Variants in SIMC1 observed in about 807,000 individuals in gnomAD.
SIMC1 encodes the protein SUMO interacting motifs containing 1, also known as SUMO-interacting motif-containing protein 1.
Under a neutral mutation model 82.3 loss-of-function variants are expected in SIMC1, and 55 were observed. The ratio of observed to expected loss-of-function variants is 0.67; its 90% CI spans 0.54 to 0.84. The LOEUF is 0.84. Among genes scored for constraint, SIMC1 ranks in the 40% least tolerant of loss-of-function variants. The pLI, the probability that SIMC1 is intolerant of heterozygous loss-of-function variation, is 0.00. For synonymous variants in SIMC1, 353 were observed against 426.3 expected (o/e 0.83, Z 2.12); for missense variants, 915 against 1,107.2 (o/e 0.83, Z 2.46).
chr5:176,294,792 C>G (rs1357410928), intron 2 of SIMC1: 4 of 426,344 alleles, frequency 9.4e-6, no homozygotes, highest in Non-Finnish European at 1.7e-5. Flanking sequence ...GAAACCCTGT[C>G]TTTACTAAAA....
At chr5:176,289,093 G>T (rs1763430609) in intron 1 of SIMC1, among the ~76,000 whole-genome samples, 1 of 152,160 alleles carries the variant, frequency 6.6e-6, no homozygotes, top group African/African-American at 2.4e-5. Flanking sequence ...GAAAGAAGGA[G>T]ACAGATCTGT....
chr5:176,302,202 C>A (rs1341695536), intron 4 of SIMC1, among the ~76,000 whole-genome samples: 23 of 151,994 alleles, frequency 1.5e-4, no homozygotes, highest in Admixed American at 1.5e-3. Flanking sequence ...GGATGCAGAA[C>A]CCACAGATAC....
At chr5:176,264,232 AG>A (rs762671453) in intron 1 of SIMC1, among the ~76,000 whole-genome samples, 6 of 152,208 alleles carry the variant, frequency 3.9e-5, no homozygotes, top group Non-Finnish European at 5.9e-5. Context: ...TCAGCTCTGG[AG>A]GGCAGCAGCC....
Position 176,288,912 on chromosome 5 carries a change from T to C in SIMC1, c.130-742T>C, listed in dbSNP as rs199510309. Among the ~76,000 whole-genome samples, 35 of 152,328 alleles carry C rather than the reference T, an allele frequency of 2.3e-4. No individual in the cohort carries two copies. In the East Asian group the frequency reaches 6.4e-3, roughly 28 times the overall value. ...GTATCATTAGGCTTTGTGAATAGCC[T>C]GATCAGTTTGCCAAGGAATGGAAGT... On this transcript the variant is annotated intron_variant, in intron 1 of 9. Transcript: ENST00000429602.
chr5:176,288,079 A>C (rs1187919807), intron 1 of SIMC1, among the ~76,000 whole-genome samples: 3 of 152,178 alleles, frequency 2.0e-5, no homozygotes, highest in Non-Finnish European at 2.9e-5. Context: ...AAACATTCCT[A>C]GGCCCTAGGT....
At chr5:176,252,562 C>T (rs1158287038) in intron 1 of SIMC1, among the ~76,000 whole-genome samples, 6 of 150,944 alleles carry the variant, frequency 4.0e-5, no homozygotes, top group Middle Eastern at 3.2e-3. Context: ...CAGAGACGCT[C>T]CTCACTTCCT....
intron 7 of SIMC1, among the ~76,000 whole-genome samples, chr5:176,332,731 T>G (rs1248618179): frequency 4.6e-5 from 7 of 152,130 alleles, no homozygotes; most frequent in African/African-American, 1.2e-4. Context: ...AATATAAACT[T>G]TATTCAATAT....
chr5:176,331,860 T>G (rs1765684200), intron 7 of SIMC1, among the ~76,000 whole-genome samples: 1 of 151,622 alleles, frequency 6.6e-6, no homozygotes, highest in African/African-American at 2.4e-5. Context: ...TCTCAGCTAC[T>G]CAGGAGGCTG....
At chr5:176,260,861 C>G (rs1158668950) in intron 1 of SIMC1, among the ~76,000 whole-genome samples, 1 of 152,296 alleles carries the variant, frequency 6.6e-6, no homozygotes, top group East Asian at 1.9e-4. Flanking sequence ...TTCCCAGGCT[C>G]TGGTACACCT....
At chr5:176,249,858 A>AAAC (rs1761590833) in intron 1 of SIMC1, among the ~76,000 whole-genome samples, 1 of 151,120 alleles carries the variant, frequency 6.6e-6, no homozygotes, top group Non-Finnish European at 1.5e-5. Flanking sequence ...AAAAAAAAAA[A>AAAC]AAAAAACCAG....
intron 4 of SIMC1, among the ~76,000 whole-genome samples, chr5:176,303,600 G>C (rs560736657): frequency 6.6e-6 from 1 of 151,966 alleles, no homozygotes; most frequent in Non-Finnish European, 1.5e-5. Context: ...GATTACAGGC[G>C]TGAGCCACCA....
rs147754712 is a variant in SIMC1, at chr5:176,297,761, G to A, written c.1734+1441G>A. Among the ~76,000 whole-genome samples, 627 of 152,228 alleles carry A rather than the reference G, an allele frequency of 4.1e-3. 3 individuals carry two copies. The highest frequency in any genetic ancestry group is 0.01 in the Middle Eastern group (3 of 294). On this transcript the variant is annotated intron_variant, in intron 4 of 9. Transcript: ENST00000429602. ...AATTAAGACATTTCCAGCTATGCAG[G>A]AATTTGAAAATATATCCTCATACCC...
chr5:176,242,671 A>T (rs1301492350), intron 1 of SIMC1, among the ~76,000 whole-genome samples: 1 of 152,080 alleles, frequency 6.6e-6, no homozygotes, highest in Non-Finnish European at 1.5e-5. Context: ...TTCCTACAGA[A>T]ATTGTGCATT....
intron 4 of SIMC1, among the ~76,000 whole-genome samples, chr5:176,305,793 C>T (rs1459966350): frequency 1.7e-5 from 1 of 58,692 alleles, no homozygotes; most frequent in South Asian, 6.5e-4. Flanking sequence ...CCGCCCCGTC[C>T]GGGAGGGAGG....
At chr5:176,289,288 C>A (rs1184166109) in intron 1 of SIMC1, among the ~76,000 whole-genome samples, 1 of 152,094 alleles carries the variant, frequency 6.6e-6, no homozygotes, top group African/African-American at 2.4e-5. Flanking sequence ...TTCACATTTG[C>A]TTCACTTCTT....
intron 1 of SIMC1, among the ~76,000 whole-genome samples, chr5:176,275,738 T>G (rs1355189173): frequency 2.0e-5 from 3 of 151,884 alleles, no homozygotes; most frequent in Non-Finnish European, 2.9e-5. Flanking sequence ...ATCATGTGGT[T>G]TTTGTCTTTG....
At chr5:176,275,560 A>G (rs1581240250) in intron 1 of SIMC1, among the ~76,000 whole-genome samples, 1 of 151,884 alleles carries the variant, frequency 6.6e-6, no homozygotes, top group African/African-American at 2.4e-5. Context: ...CAGTTTTCAA[A>G]GGGAATGCTT....
chr5:176,345,201 T>A lies in SIMC1; in HGVS notation c.2432T>A (p.Val811Glu). ...CTTGCAGAACACTTAAGGAGTTCCG[T>A]GATCGACCGAAAGGACTTAATAATC... ...HVLREHLRSSVIDRKDLIIKR... is the reference protein window; with the variant it reads ...HVLREHLRSSEIDRKDLIIKR... The change falls in exon 10 of 10, where the codon GTG (valine) becomes GAG (glutamate). Residue 811 changes from valine to glutamate, a missense_variant. Physicochemically the swap from Val to Glu is moderately radical, Grantham distance 121 (BLOSUM62 -2). Around this residue, in one of 2 missense-constraint regions of SIMC1, gnomAD observed 902 missense variants for 1,040.3 expected, o/e 0.87. Coordinates refer to ENST00000429602, the MANE Select transcript of SIMC1 (RefSeq NM_001308195.2). 2 of 1,613,934 alleles carry A rather than the reference T, an allele frequency of 1.2e-6. No homozygotes were observed. Among genetic ancestry groups the A allele is most frequent in the South Asian group, 1.1e-5 (1 of 91,078 alleles).
intron 1 of SIMC1, among the ~76,000 whole-genome samples, chr5:176,248,821 G>A (rs1010505714): frequency 6.6e-6 from 1 of 152,106 alleles, no homozygotes; most frequent in Non-Finnish European, 1.5e-5. Context: ...ATGAAGTGGT[G>A]TTGAATTCTA....
Sources: gnomAD v4.1 joint callset for allele counts (sites outside exome capture counted in the v4.1 genomes callset) on GRCh38, gnomAD v4.1.1 for gene constraint, gnomAD v4.1.1 regional missense constraint, MANE v1.5 for transcripts, NCBI Gene and HGNC (gene_info 2026-07-23, HGNC 2026-07-21) for gene names.